The following GIMAP4 variants were observed in gnomAD, a reference collection of about 807,000 sequenced individuals.
GIMAP4 encodes GTPase IMAP family member 4.
GIMAP4 carries 12 observed loss-of-function variants against 10.8 expected under a neutral mutation model. The observed-to-expected ratio is 1.11, with a 90% CI of 0.71 to 1.81. The LOEUF is 1.81. Among genes scored for constraint, GIMAP4 ranks in the 40% most tolerant of loss-of-function variants. The probability of loss-of-function intolerance (pLI) is 0.00; values close to 1 mark genes in which losing one functional copy is unlikely to be tolerated. For missense variants in GIMAP4, 412 were observed against 404.6 expected (o/e 1.02, Z -0.16); for synonymous variants, 149 against 147.2 (o/e 1.01, Z -0.09).
At chr7:150,569,664 C>T (rs1795705768) in intron 1 of GIMAP4, among the ~76,000 whole-genome samples, 1 of 152,150 alleles carries the variant, frequency 6.6e-6, no homozygotes. Context: ...GCCAGAACCC[C>T]TGTGAGGAAG....
chr7:150,569,585 G>A (rs931625751), intron 1 of GIMAP4, among the ~76,000 whole-genome samples: 1 of 152,154 alleles, frequency 6.6e-6, no homozygotes, highest in Non-Finnish European at 1.5e-5. Flanking sequence ...GAACTCTGAG[G>A]AGGGTGTAGG....
chr7:150,571,696 G>A (rs542418918), intron 2 of GIMAP4, among the ~76,000 whole-genome samples: 1 of 152,224 alleles, frequency 6.6e-6, no homozygotes, highest in Admixed American at 6.5e-5. Flanking sequence ...CAGGAGAATC[G>A]CTTGAACCCA....
intron 1 of GIMAP4, among the ~76,000 whole-genome samples, chr7:150,569,235 G>A (rs1795699625): frequency 6.6e-6 from 1 of 152,220 alleles, no homozygotes. Flanking sequence ...TCAATTAGAA[G>A]CCTGTTAAGT....
In GIMAP4 at chr7:150,572,432, T is replaced by C; in HGVS notation, c.362T>C (p.Val121Ala). 1.9e-6 allele frequency: 3 copies of C among 1,614,158 alleles called. No homozygotes were observed. The highest frequency in any genetic ancestry group is 1.7e-6 in the Non-Finnish European group (2 of 1,179,994). ...SPGPHALLLV[V>A]PLGRYTEEEH... The stretch of plus-strand genomic sequence containing the variant: ...GGGCCTCATGCTCTGCTTCTGGTGG[T>C]TCCACTGGGCCGTTACACTGAGGAA... The change falls in exon 3 of 3, where the codon GTT (valine) becomes GCT (alanine). Residue 121 changes from valine to alanine, a missense_variant. Val to Ala is a moderately conservative substitution (Grantham distance 64). Coordinates refer to ENST00000255945, the MANE Select transcript of GIMAP4 (RefSeq NM_018326.3).
rs570602376 is a variant in GIMAP4 at position 150,570,057 on chromosome 7, T to C, written c.58+98T>C. Reference sequence around the variant, plus strand: ...GGAATAGGGGTGGGGTTCTCCTGCCTTGCCACCCAGTCCCCATTTGAGCAG... The same window carrying C: ...GGAATAGGGGTGGGGTTCTCCTGCCCTGCCACCCAGTCCCCATTTGAGCAG... On this transcript the variant is annotated intron_variant, in intron 2 of 2. Coordinates refer to ENST00000255945, the MANE Select transcript of GIMAP4 (RefSeq NM_018326.3). 31 of 773,704 alleles carry C rather than the reference T, an allele frequency of 4.0e-5. No individual in the cohort carries two copies. The African/African-American group carries it at 4.8e-4, about 12-fold the overall frequency. 47.9% of individuals were successfully genotyped at this position (773,704 alleles called of 1,614,324 possible). A position where few individuals can be genotyped will look rare whatever the true frequency, so the allele number is the denominator to read the frequency against.
Position 150,572,820 on chromosome 7 carries a change from A to G in GIMAP4, c.750A>G (p.Arg250=). The G allele has an allele frequency of 7.4e-6, 12 of 1,614,006 alleles. No individual in the cohort carries two copies. The highest frequency in any genetic ancestry group is 1.0e-5 in the Non-Finnish European group (12 of 1,179,926). ...MQELHRVELE[R]EKARIREEYE... ...AACTCCACAGAGTGGAGCTGGAGAG[A>G]GAGAAAGCGCGGATAAGAGAGGAGT... The change falls in exon 3 of 3, where the codon AGA becomes AGG. Residue 250 remains arginine, a synonymous_variant. Transcript: ENST00000255945.
chr7:150,572,389 A>G lies in GIMAP4; in HGVS notation c.319A>G (p.Ile107Val), dbSNP rs1398078979. ...AACGTCCAAGGAGATTATTCGCTGC[A>G]TTCTTCTGACCTCCCCAGGGCCTCA... ...AETSKEIIRC[I>V]LLTSPGPHAL... Residue 107 changes from isoleucine to valine, a missense_variant, in exon 3 of 3, where the codon ATT becomes GTT. Coordinates refer to ENST00000255945, the MANE Select transcript of GIMAP4 (RefSeq NM_018326.3). 2 of 1,614,016 alleles carry G rather than the reference A, an allele frequency of 1.2e-6. No individual in the cohort carries two copies. Among genetic ancestry groups the G allele is most frequent in the Non-Finnish European group, 1.7e-6 (2 of 1,180,002 alleles).
Position 150,572,924 on chromosome 7 carries a change from A to G in GIMAP4, c.854A>G (p.Glu285Gly). The change falls in exon 3 of 3, where the codon GAA becomes GGA. Residue 285 changes from glutamate to glycine, a missense_variant. Transcript: ENST00000255945. ...RKKQMEKKLA[E>G]QEAHYAVRQQ... ...AAGCAAATGGAGAAGAAACTAGCAG[A>G]ACAGGAGGCTCACTATGCTGTAAGG... 1 of 1,614,178 alleles carries G rather than the reference A, an allele frequency of 6.2e-7. No homozygotes were observed. The highest frequency in any genetic ancestry group is 8.5e-7 in the Non-Finnish European group (1 of 1,179,996).
rs1691435971 is a variant in GIMAP4 at position 150,573,607 on chromosome 7, AT to A, written c.*550del. The A allele has an allele frequency of 6.6e-6, 1 of 152,418 alleles. No individual in the cohort carries two copies. The highest frequency in any genetic ancestry group is 2.1e-4 in the South Asian group (1 of 4,846). 9.4% of individuals were successfully genotyped at this position (152,418 alleles called of 1,614,324 possible). A position where few individuals can be genotyped will look rare whatever the true frequency, so the allele number is the denominator to read the frequency against. On this transcript the variant is annotated 3_prime_UTR_variant, in exon 3 of 3. Coordinates refer to ENST00000255945, the MANE Select transcript of GIMAP4 (RefSeq NM_018326.3). ...ATAAGGAGTCAAATTGTTTCTTATC[AT>A]TTGTTCATTGAAGAACAGAGACCTG...
chr7:150,572,020 G>T (rs1409037049), intron 2 of GIMAP4, 109 bp from the exon 3 acceptor site: 9 of 684,360 alleles, frequency 1.3e-5, no homozygotes, highest in Non-Finnish European at 2.3e-5. Context: ...ATCAGGAGAA[G>T]CCCCCACAGC....
In GIMAP4 at chr7:150,573,050, C is replaced by A; in HGVS notation, c.980C>A (p.Ala327Glu). 1.9e-6 allele frequency: 3 copies of A among 1,581,790 alleles called. No homozygotes were observed. The highest frequency in any genetic ancestry group is 1.7e-4 in the Middle Eastern group (1 of 5,952). Reference protein sequence around the residue: ...IASFILLRLFAED With the variant: ...IASFILLRLFEED ...TCCTTTATTTTGTTACGTCTGTTCG[C>A]GGAAGATTAAACTTAATGAAAATCT... The change falls in exon 3 of 3, where the codon GCG (alanine) becomes GAG (glutamate). Residue 327 changes from alanine (A) to glutamate (E), a missense_variant. Coordinates refer to ENST00000255945, the MANE Select transcript of GIMAP4 (RefSeq NM_018326.3).
intron 2 of GIMAP4, among the ~76,000 whole-genome samples, chr7:150,571,604 A>C (rs952795445): frequency 2.0e-5 from 3 of 152,098 alleles, no homozygotes; most frequent in African/African-American, 7.2e-5. Flanking sequence ...AACATGGCGA[A>C]ACCCCGTCTC....
rs1201146982 is a variant in GIMAP4 at position 150,572,472 on chromosome 7, A to G, written c.402A>G (p.Thr134=). Residue 134 remains threonine (T), a synonymous_variant, in exon 3 of 3, where the codon ACA becomes ACG. Coordinates refer to ENST00000255945, the MANE Select transcript of GIMAP4 (RefSeq NM_018326.3). ...ACACTGAGGAAGAGCACAAAGCCAC[A>G]GAGAAGATCCTGAAAATGTTTGGAG... ...GRYTEEEHKA[T]EKILKMFGER... 6.2e-7 allele frequency: 1 copy of G among 1,614,160 alleles called. No homozygotes were observed. The highest frequency in any genetic ancestry group is 2.2e-5 in the East Asian group (1 of 44,882).
chr7:150,571,758 G>T (rs1383401564), intron 2 of GIMAP4, among the ~76,000 whole-genome samples: 1 of 152,178 alleles, frequency 6.6e-6, no homozygotes, highest in African/African-American at 2.4e-5. Context: ...TTCAGCCTGG[G>T]CAACAAGAGT....
chr7:150,570,758 G>T (rs13307277), intron 2 of GIMAP4, among the ~76,000 whole-genome samples: 1 of 150,910 alleles, frequency 6.6e-6, no homozygotes, highest in Admixed American at 6.6e-5. Context: ...GGGCCTTGTT[G>T]TTATCATCAA....
At position 150,572,637 on chromosome 7, in the gene GIMAP4, A is replaced by G. The variant is rs763289588; in HGVS notation, c.567A>G (p.Leu189=). ...MDIFGDRYCA[L]NNKATGAEQE... ...TTTTCGGTGACCGCTACTGTGCGTT[A>G]AACAACAAGGCAACAGGCGCTGAGC... Residue 189 remains leucine (L), a synonymous_variant, in exon 3 of 3, where the codon TTA becomes TTG. Transcript: ENST00000255945. The G allele has an allele frequency of 2.5e-6, 4 of 1,614,240 alleles. No individual in the cohort carries two copies. Among genetic ancestry groups the G allele is most frequent in the Non-Finnish European group, 2.5e-6 (3 of 1,180,028 alleles).
chr7:150,568,802 TA>T (rs1795694139), intron 1 of GIMAP4, among the ~76,000 whole-genome samples: 1 of 152,162 alleles, frequency 6.6e-6, no homozygotes, highest in African/African-American at 2.4e-5. Context: ...ATCAAGCAAT[TA>T]ACTTCCTAAA....
rs941781855 is a variant in GIMAP4, at chr7:150,572,390, T to G, written c.320T>G (p.Ile107Ser). 1 of 1,614,194 alleles carries G rather than the reference T, an allele frequency of 6.2e-7. No homozygotes were observed. ...AETSKEIIRCILLTSPGPHAL... is the reference protein window; with the variant it reads ...AETSKEIIRCSLLTSPGPHAL... Reference sequence around the variant, plus strand: ...ACGTCCAAGGAGATTATTCGCTGCATTCTTCTGACCTCCCCAGGGCCTCAT... The same window carrying G: ...ACGTCCAAGGAGATTATTCGCTGCAGTCTTCTGACCTCCCCAGGGCCTCAT... Residue 107 changes from isoleucine to serine, a missense_variant, in exon 3 of 3, where the codon ATT becomes AGT. Transcript: ENST00000255945.
intron 1 of GIMAP4, 146 bp from the exon 2 acceptor site, chr7:150,569,742 T>C: frequency 3.4e-6 from 2 of 579,942 alleles, no homozygotes; most frequent in African/African-American, 1.9e-5. Flanking sequence ...AAATGGAGGG[T>C]TGAGGAGACT....
Sources: gnomAD v4.1 joint callset for allele counts (sites outside exome capture counted in the v4.1 genomes callset) on GRCh38, gnomAD v4.1.1 for gene constraint, MANE v1.5 for transcripts, NCBI Gene and HGNC (gene_info 2026-07-23, HGNC 2026-07-21) for gene names.